The following THSD7A variants were observed in gnomAD, a reference collection of about 807,000 sequenced individuals.
THSD7A encodes the protein thrombospondin type-1 domain-containing protein 7A.
A neutral mutation model predicts 231.3 loss-of-function variants in THSD7A; 96 were observed. That is an observed-to-expected ratio of 0.41 (90% CI 0.35 to 0.49). The LOEUF is 0.49. Among genes scored for constraint, THSD7A ranks in the 20% least tolerant of loss-of-function variants. The pLI, the probability that THSD7A is intolerant of heterozygous loss-of-function variation, is 0.05. For synonymous variants in THSD7A, 940 were observed against 743.3 expected, an observed-to-expected ratio of 1.26 and a Z score of -4.30; for missense variants, 2,290 against 2,070.2, an observed-to-expected ratio of 1.11 and a Z score of -2.06.
intron 6 of THSD7A, among the ~76,000 whole-genome samples, chr7:11,505,452 T>C (rs1276276328): frequency 6.6e-6 from 1 of 151,842 alleles, no homozygotes; most frequent in Non-Finnish European, 1.5e-5. Flanking sequence ...TAAAGTTTTT[T>C]TTTTTTTTAA....
chr7:11,408,544 A>G (rs1167435370), intron 19 of THSD7A, among the ~76,000 whole-genome samples: 1 of 152,028 alleles, frequency 6.6e-6, no homozygotes, highest in African/African-American at 2.4e-5. Context: ...AAATAGGAAA[A>G]TGTAAGAGCT....
chr7:11,731,428 C>T (rs998661048), intron 1 of THSD7A, among the ~76,000 whole-genome samples: 2 of 151,490 alleles, frequency 1.3e-5, no homozygotes, highest in Non-Finnish European at 3.0e-5. Flanking sequence ...AATAGATATG[C>T]TTATTTATAA....
chr7:11,637,480 G>C lies in THSD7A; in HGVS notation c.191-519C>G, dbSNP rs1383754542. Among the ~76,000 whole-genome samples the C allele has an allele frequency of 6.6e-6, 1 of 152,170 alleles. No individual in the cohort carries two copies. ...CTATGACTGCAAGGGTCTAATAGTT[G>C]TATATCATGTGTGCCACTAGAGCTT... On this transcript the variant is annotated intron_variant, in intron 1 of 27. Coordinates refer to ENST00000423059, the MANE Select transcript of THSD7A (RefSeq NM_015204.3). This position sits in a 1 kb window ranked among gnomAD's most constrained non-coding sequence, Gnocchi z 4.2.
intron 7 of THSD7A, among the ~76,000 whole-genome samples, chr7:11,480,512 T>C (rs1786379635): frequency 1.3e-5 from 2 of 152,228 alleles, no homozygotes; most frequent in South Asian, 4.1e-4. Context: ...AGTCATTGTT[T>C]GACAACACAA....
chr7:11,540,158 T>C (rs1348369510), intron 6 of THSD7A, among the ~76,000 whole-genome samples: 4 of 152,228 alleles, frequency 2.6e-5, no homozygotes, highest in Non-Finnish European at 4.4e-5. Context: ...CAGCAGATTA[T>C]GCTTATCGTA....
At chr7:11,689,530 C>A (rs145484790) in intron 1 of THSD7A, among the ~76,000 whole-genome samples, 15 of 151,764 alleles carry the variant, frequency 9.9e-5, no homozygotes, top group South Asian at 2.1e-4. Context: ...AAGAAGCCCA[C>A]GTTTTTTTCT....
At position 11,411,248 on chromosome 7, in the gene THSD7A, G is replaced by A. The variant is rs755356186; in HGVS notation, c.3757C>T (p.Arg1253Ter). ...AGGTCAACTGACTTGCCATCACTTCGAACACAATCCAACATCCTTGTTTTT... is the reference window on the plus strand; with the variant it reads ...AGGTCAACTGACTTGCCATCACTTCAAACACAATCCAACATCCTTGTTTTT... The part of the protein sequence containing the change: ...GIKTRMLDCV[R>*]SDGKSVDLKY... Residue 1253 changes from arginine (R) to a stop codon, truncating the protein, a stop_gained, in exon 19 of 28, where the codon CGA (arginine) becomes TGA (stop). Transcript: ENST00000423059. LOFTEE classifies it high-confidence loss of function. The surrounding 1 kb of genome is among the most constrained non-coding windows in gnomAD (Gnocchi z 4.1). The A allele has an allele frequency of 1.9e-6, 3 of 1,613,676 alleles. No individual in the cohort carries two copies. Among genetic ancestry groups the A allele is most frequent in the Non-Finnish European group, 2.5e-6 (3 of 1,179,774 alleles).
At chr7:11,740,347 C>A (rs758925691) in intron 1 of THSD7A, among the ~76,000 whole-genome samples, 21 of 151,990 alleles carry the variant, frequency 1.4e-4, no homozygotes, top group Non-Finnish European at 2.1e-4. Context: ...CCTCCCTGCA[C>A]TCCTCTATCT....
intron 2 of THSD7A, among the ~76,000 whole-genome samples, chr7:11,625,983 T>C (rs1045176950): frequency 3.3e-5 from 5 of 152,034 alleles, no homozygotes; most frequent in African/African-American, 1.2e-4. Context: ...GAGAGCTAAA[T>C]AGAACAACTA....
At chr7:11,631,517 C>A (rs902598724) in intron 2 of THSD7A, among the ~76,000 whole-genome samples, 1 of 152,100 alleles carries the variant, frequency 6.6e-6, no homozygotes, top group Non-Finnish European at 1.5e-5. Flanking sequence ...ACACTTCATT[C>A]CACAAGTTGG....
rs2883595 is a variant in THSD7A, at chr7:11,814,082, G to C, written c.190+17675C>G. The stretch of plus-strand genomic sequence containing the variant: ...AAGTTATGATGCCATTCATATGAAA[G>C]GTCCAGACTAGGCGAATAGAGAAAA... On this transcript the variant is annotated intron_variant, in intron 1 of 27. Coordinates refer to ENST00000423059, the MANE Select transcript of THSD7A (RefSeq NM_015204.3). This position sits in a 1 kb window ranked among gnomAD's most constrained non-coding sequence, Gnocchi z 5.1. Among the ~76,000 whole-genome samples, 4 of 151,986 alleles carry C rather than the reference G, an allele frequency of 2.6e-5. No homozygotes were observed. The highest frequency in any genetic ancestry group is 1.3e-4 in the Admixed American group (2 of 15,264).
chr7:11,539,898 C>G (rs1187018889), intron 6 of THSD7A, among the ~76,000 whole-genome samples: 1 of 152,106 alleles, frequency 6.6e-6, no homozygotes, highest in Admixed American at 6.5e-5. Flanking sequence ...TATGGAAGGA[C>G]AAGCAAAATT....
At chr7:11,706,877 C>A (rs1780786238) in intron 1 of THSD7A, among the ~76,000 whole-genome samples, 1 of 150,494 alleles carries the variant, frequency 6.6e-6, no homozygotes, top group South Asian at 2.1e-4. Context: ...ATTATCTGAA[C>A]TCTGCAGATA....
chr7:11,596,198 C>T (rs994497136), intron 2 of THSD7A, among the ~76,000 whole-genome samples: 5 of 152,294 alleles, frequency 3.3e-5, no homozygotes, highest in South Asian at 4.1e-4. Flanking sequence ...TTCTTCCATC[C>T]TTCCCCAAGG....
At chr7:11,647,566 C>T (rs1164880936) in intron 1 of THSD7A, among the ~76,000 whole-genome samples, 1 of 152,060 alleles carries the variant, frequency 6.6e-6, no homozygotes, top group East Asian at 1.9e-4. Flanking sequence ...GTCATTGCTG[C>T]TTGTCATGTC....
intron 2 of THSD7A, among the ~76,000 whole-genome samples, chr7:11,612,950 G>A (rs936859168): frequency 1.3e-5 from 2 of 151,854 alleles, no homozygotes; most frequent in Admixed American, 6.6e-5. Context: ...CTTACCTTTG[G>A]GCTACATCAA....
At chr7:11,820,470 A>T in intron 1 of THSD7A, 1 of 1,153,570 alleles carries the variant, frequency 8.7e-7, no homozygotes, top group African/African-American at 1.6e-5. Flanking sequence ...CCTGACCCGG[A>T]GGTCATCATG....
chr7:11,812,982 G>T (rs1784576411), intron 1 of THSD7A, among the ~76,000 whole-genome samples: 1 of 152,122 alleles, frequency 6.6e-6, no homozygotes, highest in Non-Finnish European at 1.5e-5. Flanking sequence ...ATGAGTGCTT[G>T]GGGAATTATA....
intron 1 of THSD7A, among the ~76,000 whole-genome samples, chr7:11,660,341 T>C (rs1562452255): frequency 6.6e-6 from 1 of 151,466 alleles, no homozygotes; most frequent in Non-Finnish European, 1.5e-5. Context: ...AAGCAAAGAC[T>C]TGCAGAAAAT....
Sources: gnomAD v4.1 joint callset for allele counts (sites outside exome capture counted in the v4.1 genomes callset) on GRCh38, gnomAD v4.1.1 for gene constraint, Gnocchi (gnomAD v3.1) non-coding constraint, MANE v1.5 for transcripts, NCBI Gene and HGNC (gene_info 2026-07-23, HGNC 2026-07-21) for gene names.